CASC3: variants seen among roughly 807,000 people sequenced by gnomAD.
CASC3 encodes the protein CASC3 exon junction complex subunit.
In CASC3, 30 loss-of-function variants were observed where a neutral mutation model predicts 80.5. The ratio of observed to expected loss-of-function variants is 0.37; its 90% CI spans 0.28 to 0.51. The LOEUF is 0.51. Among genes scored for constraint, CASC3 ranks in the 20% least tolerant of loss-of-function variants. The pLI, the probability that CASC3 is intolerant of heterozygous loss-of-function variation, is 0.94. For missense variants in CASC3, 824 were observed against 922.2 expected (o/e 0.89, Z 1.38); for synonymous variants, 312 against 333.6 (o/e 0.94, Z 0.70).
In CASC3 at chr17:40,162,898, C is replaced by T; in HGVS notation, c.782C>T (p.Pro261Leu). The T allele has an allele frequency of 6.2e-7, 1 of 1,613,304 alleles. No homozygotes were observed. Among genetic ancestry groups the T allele is most frequent in the Non-Finnish European group, 8.5e-7 (1 of 1,179,648 alleles). ...ATCAAACCTCGAAGAATCCGGAAAC[C>T]CCGGTGAGGACATTTTAGAACATAA... is the stretch of plus-strand genomic sequence containing the variant. ...DDIKPRRIRKPRYGSPPQRDP... is the reference protein window; with the variant it reads ...DDIKPRRIRKLRYGSPPQRDP... Residue 261 changes from proline (P) to leucine (L), a missense_variant, in exon 6 of 14, where the codon CCC becomes CTC. Around this residue, in one of 3 missense-constraint regions of CASC3, gnomAD observed 201 missense variants for 294.1 expected, o/e 0.68. Coordinates refer to ENST00000264645, the MANE Select transcript of CASC3 (RefSeq NM_007359.5).
At chr17:40,164,420 C>T (rs995614317) in intron 7 of CASC3, among the ~76,000 whole-genome samples, 14 of 151,632 alleles carry the variant, frequency 9.2e-5, no homozygotes, top group African/African-American at 3.4e-4. Context: ...CACACCACCA[C>T]GCCCAGCTAA....
intron 3 of CASC3, among the ~76,000 whole-genome samples, chr17:40,145,764 A>T (rs920182736): frequency 4.6e-5 from 7 of 151,768 alleles, no homozygotes; most frequent in Admixed American, 2.6e-4. Flanking sequence ...TTCATTTTTT[A>T]AAAATTTTTA....
chr17:40,169,739 ATGCTT>A, intron 13 of CASC3, 77 bp downstream of exon 13: 7 of 219,074 alleles, frequency 3.2e-5, no homozygotes, highest in South Asian at 1.4e-4. Flanking sequence ...CACTTAATTA[ATGCTT>A]TTTTTTTTTT....
chr17:40,145,160 ATTTTT>A (rs1007480625), intron 3 of CASC3, among the ~76,000 whole-genome samples: 1 of 132,652 alleles, frequency 7.5e-6, no homozygotes, highest in African/African-American at 2.9e-5. Flanking sequence ...CGTGCCCCCC[ATTTTT>A]TTTGTTTTGT....
chr17:40,151,576 C>T (rs950634344), intron 3 of CASC3, among the ~76,000 whole-genome samples: 6 of 151,782 alleles, frequency 4.0e-5, no homozygotes, highest in African/African-American at 1.5e-4. Context: ...CACCTGTAGT[C>T]CCAGCTACTT....
At chr17:40,167,750 A>G in intron 9 of CASC3, 100 bp from the exon 10 acceptor site, 3 of 1,308,094 alleles carry the variant, frequency 2.3e-6, no homozygotes, top group Non-Finnish European at 3.3e-6. Context: ...TTTTCTTCGC[A>G]TGGAATATTG....
chr17:40,145,209 G>A (rs1045104459), intron 3 of CASC3, among the ~76,000 whole-genome samples: 2 of 143,838 alleles, frequency 1.4e-5, no homozygotes. Flanking sequence ...GTCTCATTCC[G>A]TTGCCAGGCT....
At chr17:40,146,699 A>G (rs1988871496) in intron 3 of CASC3, among the ~76,000 whole-genome samples, 1 of 151,160 alleles carries the variant, frequency 6.6e-6, no homozygotes, top group African/African-American at 2.4e-5. Flanking sequence ...CGGCCTCCCA[A>G]AGTGCTGGGA....
Position 40,168,294 on chromosome 17 carries a change from G to A in CASC3, c.1842G>A (p.Gln614=). 7 of 1,614,092 alleles carry A rather than the reference G, an allele frequency of 4.3e-6. No individual in the cohort carries two copies. Among genetic ancestry groups the A allele is most frequent in the Non-Finnish European group, 5.9e-6 (7 of 1,180,010 alleles). ...VSMSPGQPPP[Q]QLLAPTYFSA... Reference sequence around the variant, plus strand: ...TGTCTCCAGGACAGCCACCACCTCAGCAGTTGCTTGCTCCTACTTACTTTT... The same window carrying A: ...TGTCTCCAGGACAGCCACCACCTCAACAGTTGCTTGCTCCTACTTACTTTT... Residue 614 remains glutamine (Q), a synonymous_variant, in exon 11 of 14, where the codon CAG becomes CAA. Coordinates refer to ENST00000264645, the MANE Select transcript of CASC3 (RefSeq NM_007359.5).
chr17:40,154,557 G>GT (rs1989098559), intron 3 of CASC3, among the ~76,000 whole-genome samples: 1 of 151,326 alleles, frequency 6.6e-6, no homozygotes, highest in Non-Finnish European at 1.5e-5. Flanking sequence ...TAATTGAGAT[G>GT]TAAGAGTTCT....
Position 40,162,983 on chromosome 17 carries a change from G to A in CASC3, c.785+82G>A, listed in dbSNP as rs543315400. 5 of 1,242,058 alleles carry A rather than the reference G, an allele frequency of 4.0e-6. No homozygotes were observed. In the South Asian group the frequency reaches 5.2e-5, roughly 13 times the overall value. The allele number at this position is 1,242,058 out of a possible 1,614,324, so 76.9% of individuals were successfully genotyped here. Reference sequence around the variant, plus strand: ...CACCTGGAATCCCGGCACTTTGGGAGGCTGAGGCAGGAGGATTGCTTGAGG... The same window carrying A: ...CACCTGGAATCCCGGCACTTTGGGAAGCTGAGGCAGGAGGATTGCTTGAGG... On this transcript the variant is annotated intron_variant, in intron 6 of 13. Coordinates refer to ENST00000264645, the MANE Select transcript of CASC3 (RefSeq NM_007359.5).
chr17:40,170,286 A>G (rs1989562952), intron 13 of CASC3, among the ~76,000 whole-genome samples, 161 bp from the exon 14 acceptor site: 1 of 152,200 alleles, frequency 6.6e-6, no homozygotes, highest in Admixed American at 6.5e-5. Flanking sequence ...AACCAGTTCT[A>G]AAGATCATAG....
chr17:40,166,141 T>A (rs1989445106), intron 7 of CASC3, among the ~76,000 whole-genome samples: 1 of 152,178 alleles, frequency 6.6e-6, no homozygotes, highest in Non-Finnish European at 1.5e-5. Context: ...CAGCATAGTT[T>A]TAGAGAGTAA....
intron 3 of CASC3, among the ~76,000 whole-genome samples, chr17:40,144,588 G>A (rs896606617): frequency 6.7e-5 from 10 of 149,976 alleles, no homozygotes; most frequent in Non-Finnish European, 1.5e-4. Context: ...CAGGTGATCC[G>A]TCCGCCTCAG....
chr17:40,141,436 A>T, intron 2 of CASC3, 134 bp from the exon 3 acceptor site: 1 of 860,522 alleles, frequency 1.2e-6, no homozygotes, highest in Non-Finnish European at 1.9e-6. Flanking sequence ...CTCCTTTTGT[A>T]AGTGGGGACT....
At chr17:40,140,997 A>G (rs1332537167) in intron 1 of CASC3, 30 of 633,030 alleles carry the variant, frequency 4.7e-5, no homozygotes, top group African/African-American at 7.4e-5. Context: ...GAGCCGCTGG[A>G]GATGGAAAGC....
intron 3 of CASC3, among the ~76,000 whole-genome samples, chr17:40,145,819 T>G (rs1026453873): frequency 6.6e-6 from 1 of 151,958 alleles, no homozygotes; most frequent in South Asian, 2.1e-4. Flanking sequence ...TTAGTAGAGA[T>G]GGGGTTTCAC....
At chr17:40,145,715 T>C (rs955668389) in intron 3 of CASC3, among the ~76,000 whole-genome samples, 1 of 151,456 alleles carries the variant, frequency 6.6e-6, no homozygotes, top group African/African-American at 2.4e-5. Flanking sequence ...AGCAAGACCC[T>C]GTGTCAAAAA....
rs74252449 is a variant in CASC3 at position 40,150,693 on chromosome 17, A to G, written c.297+9086A>G. Among the ~76,000 whole-genome samples, 64 of 152,282 alleles carry G rather than the reference A, an allele frequency of 4.2e-4. 1 individual carries two copies. In the East Asian group the frequency reaches 0.01, roughly 25 times the overall value. The stretch of plus-strand genomic sequence containing the variant: ...GAGACGAGACAGTAAGGAAACAACT[A>G]GGAATAAGAGGCATTTTTTTAAAAA... On this transcript the variant is annotated intron_variant, in intron 3 of 13. Transcript: ENST00000264645.
Sources: gnomAD v4.1 joint callset for allele counts (sites outside exome capture counted in the v4.1 genomes callset) on GRCh38, gnomAD v4.1.1 for gene constraint, gnomAD v4.1.1 regional missense constraint, MANE v1.5 for transcripts, NCBI Gene and HGNC (gene_info 2026-07-23, HGNC 2026-07-21) for gene names.